Variants in PXT1 observed in about 807,000 individuals in gnomAD.
The protein encoded by PXT1 is peroxisomal testis-specific protein 1.
PXT1 carries 11 observed loss-of-function variants against 11.0 expected under a neutral mutation model. The observed-to-expected ratio is 1.00, with a 90% CI of 0.63 to 1.66. The LOEUF (loss-of-function observed/expected upper bound fraction) is 1.66. Among genes scored for constraint, PXT1 ranks in the 40% most tolerant of loss-of-function variants. PXT1 has a pLI of 0.00. For missense variants in PXT1, 141 were observed against 155.5 expected (o/e 0.91, Z 0.49); for synonymous variants, 43 against 51.4 (o/e 0.84, Z 0.70).
chr6:36,396,945 G>C lies in PXT1; in HGVS notation c.300+3509C>G, dbSNP rs535997833. Reference sequence around the variant, plus strand: ...TCCCAGGGCCGCCTCTCCACTGACAGCTGCAGACATTGGGACGACTAGTTG... The same window carrying C: ...TCCCAGGGCCGCCTCTCCACTGACACCTGCAGACATTGGGACGACTAGTTG... On this transcript the variant is annotated intron_variant, in intron 4 of 4. Transcript: ENST00000454782. Among the ~76,000 whole-genome samples the C allele has an allele frequency of 2.0e-5, 3 of 151,992 alleles. No individual in the cohort carries two copies. The East Asian group carries it at 5.8e-4, about 30-fold the overall frequency.
intron 3 of PXT1, 112 bp downstream of exon 3, chr6:36,425,800 CAA>C (rs1554154118): frequency 1.2e-4 from 27 of 216,634 alleles, no homozygotes; most frequent in South Asian, 2.4e-4. Context: ...AAAACAAAAA[CAA>C]AAAATATATA....
chr6:36,431,784 A>G (rs969785379), intron 2 of PXT1, among the ~76,000 whole-genome samples: 4 of 151,760 alleles, frequency 2.6e-5, no homozygotes, highest in South Asian at 2.1e-4. Context: ...ATATCTATCT[A>G]TCTAAACCAG....
At chr6:36,399,581 G>A (rs1003386782) in intron 4 of PXT1, among the ~76,000 whole-genome samples, 3 of 152,168 alleles carry the variant, frequency 2.0e-5, no homozygotes, top group Non-Finnish European at 2.9e-5. Context: ...ACTCCCTGTG[G>A]CATGCATGGT....
intron 3 of PXT1, among the ~76,000 whole-genome samples, chr6:36,411,086 G>A (rs2127413253): frequency 6.6e-6 from 1 of 152,202 alleles, no homozygotes; most frequent in Middle Eastern, 3.4e-3. Flanking sequence ...TATTTCAACA[G>A]CATTATTTAC....
intron 1 of PXT1, among the ~76,000 whole-genome samples, chr6:36,439,649 A>T (rs1457891214): frequency 6.8e-6 from 1 of 146,912 alleles, no homozygotes; most frequent in Non-Finnish European, 1.5e-5. Flanking sequence ...AGGCTGAAAA[A>T]AAAAAAAAAA....
chr6:36,422,915 T>C (rs1774543158), intron 3 of PXT1, among the ~76,000 whole-genome samples: 1 of 152,214 alleles, frequency 6.6e-6, no homozygotes, highest in South Asian at 2.1e-4. Context: ...ACAGCAATGG[T>C]GGGCAGGGCC....
chr6:36,410,221 C>T (rs867264751), intron 3 of PXT1, among the ~76,000 whole-genome samples: 2 of 151,526 alleles, frequency 1.3e-5, no homozygotes, highest in African/African-American at 2.4e-5. Flanking sequence ...GAGGCCGAGG[C>T]GGGTGGATCA....
chr6:36,409,963 GA>G lies in PXT1; in HGVS notation c.170-9380del, dbSNP rs1561927903. 5.8e-3 allele frequency among the ~76,000 whole-genome samples: 183 copies of G among 31,784 alleles called. 1 individual carries two copies. In the African/African-American group the frequency reaches 0.064, roughly 11 times the overall value. 20.9% of individuals were successfully genotyped at this position (31,784 alleles called of 152,430 possible). ...AAAGAAAGAAAGAGAAAGGAAGAAAGAGAAAAAAGAAAGAAAGAAAGAAAGA... is the reference window on the plus strand; with the variant it reads ...AAAGAAAGAAAGAGAAAGGAAGAAAGGAAAAAAGAAAGAAAGAAAGAAAGA... On this transcript the variant is annotated intron_variant, in intron 3 of 4. Coordinates refer to ENST00000454782, the MANE Select transcript of PXT1 (RefSeq NM_152990.4).
chr6:36,405,846 C>G (rs1406631276), intron 3 of PXT1, among the ~76,000 whole-genome samples: 1 of 152,164 alleles, frequency 6.6e-6, no homozygotes, highest in Non-Finnish European at 1.5e-5. Context: ...TTACAATTGC[C>G]TACAATATTC....
At chr6:36,403,276 T>C (rs1308047105) in intron 3 of PXT1, among the ~76,000 whole-genome samples, 1 of 152,232 alleles carries the variant, frequency 6.6e-6, no homozygotes, top group Non-Finnish European at 1.5e-5. Flanking sequence ...TGAGTCAGGA[T>C]TTAAACTCAA....
intron 4 of PXT1, 61 bp downstream of exon 4, chr6:36,400,387 CAGCCGT>C: frequency 6.4e-7 from 1 of 1,572,428 alleles, no homozygotes; most frequent in Non-Finnish European, 8.7e-7. Flanking sequence ...AGACACTTGG[CAGCCGT>C]AGTTTTGTTT....
At chr6:36,403,457 TG>T (rs1359657413) in intron 3 of PXT1, among the ~76,000 whole-genome samples, 2 of 152,088 alleles carry the variant, frequency 1.3e-5, no homozygotes, top group Non-Finnish European at 2.9e-5. Flanking sequence ...TTTTCAGGCT[TG>T]GGGGATTGAA....
rs1402299939 is a variant in PXT1 at position 36,440,166 on chromosome 6, T to C, written c.-129-1280A>G. Among the ~76,000 whole-genome samples the C allele has an allele frequency of 3.3e-5, 5 of 152,290 alleles. No homozygotes were observed. In the East Asian group the frequency reaches 9.6e-4, roughly 29 times the overall value. On this transcript the variant is annotated intron_variant, in intron 1 of 4. Transcript: ENST00000454782. ...AGAGAGACAGTTCAAAATCTAGGGA[T>C]TTTTGGTTTGTTTTTATATTTACTA...
rs148553371 is a variant in PXT1 at position 36,395,493 on chromosome 6, ATTTTTTT to A, written c.301-3626_301-3620del. Among the ~76,000 whole-genome samples the A allele has an allele frequency of 5.8e-3, 425 of 73,362 alleles. 3 individuals carry two copies. Among genetic ancestry groups the A allele is most frequent in the African/African-American group, 0.023 (410 of 17,546 alleles). The allele number at this position is 73,362 out of a possible 152,430, so 48.1% of individuals were successfully genotyped here. On this transcript the variant is annotated intron_variant, in intron 4 of 4. Transcript: ENST00000454782. The stretch of plus-strand genomic sequence containing the variant: ...TCAGCATTTCAGAGCCAAACTTAGG[ATTTTTTT>A]TTTTTTTTTTTTTTTTTTTTGAGAC...
intron 2 of PXT1, among the ~76,000 whole-genome samples, chr6:36,428,416 G>GAAAAAAAAAAAGAA (rs58930146): frequency 1.0e-4 from 14 of 136,714 alleles, no homozygotes; most frequent in Middle Eastern, 6.5e-3. Context: ...GAGCGAGACT[G>GAAAAAAAAAAAGAA]AAAAAAAAGA....
chr6:36,396,514 C>G (rs1256898073), intron 4 of PXT1, among the ~76,000 whole-genome samples: 1 of 152,224 alleles, frequency 6.6e-6, no homozygotes. Flanking sequence ...CTGAGTCCCG[C>G]ATGGCGCCGG....
At chr6:36,399,698 C>G (rs1774188643) in intron 4 of PXT1, among the ~76,000 whole-genome samples, 1 of 152,132 alleles carries the variant, frequency 6.6e-6, no homozygotes, top group Non-Finnish European at 1.5e-5. Flanking sequence ...TGTCACAAAG[C>G]CCATGTAATC....
intron 2 of PXT1, among the ~76,000 whole-genome samples, chr6:36,430,918 A>G (rs907929070): frequency 6.6e-6 from 1 of 152,100 alleles, no homozygotes; most frequent in Non-Finnish European, 1.5e-5. Flanking sequence ...AGGCTCAAGC[A>G]ATTCTCCTGC....
At chr6:36,421,508 A>C (rs1276302079) in intron 3 of PXT1, among the ~76,000 whole-genome samples, 1 of 152,236 alleles carries the variant, frequency 6.6e-6, no homozygotes, top group Non-Finnish European at 1.5e-5. Context: ...GGAAGGGTTT[A>C]CGAATAACCA....
Sources: gnomAD v4.1 joint callset for allele counts (sites outside exome capture counted in the v4.1 genomes callset) on GRCh38, gnomAD v4.1.1 for gene constraint, MANE v1.5 for transcripts, NCBI Gene and HGNC (gene_info 2026-07-23, HGNC 2026-07-21) for gene names.